The following MCC variants were observed in gnomAD, a reference collection of about 807,000 sequenced individuals.
The protein encoded by MCC is colorectal mutant cancer protein.
A neutral mutation model predicts 116.2 loss-of-function variants in MCC; 90 were observed. The ratio of observed to expected loss-of-function variants is 0.77; its 90% CI spans 0.65 to 0.92. The LOEUF is 0.92. Ranked by LOEUF, MCC falls within the 40% of genes least tolerant of loss-of-function variation. MCC has a pLI of 0.00. For synonymous variants in MCC, 578 were observed against 510.5 expected, an observed-to-expected ratio of 1.13 and a Z score of -1.78; for missense variants, 1,516 against 1,312.2, an observed-to-expected ratio of 1.16 and a Z score of -2.40.
chr5:113,033,865 C>T lies in MCC; in HGVS notation c.2757-4809G>A, dbSNP rs536211774. ...CTTCTTATTCCTGGTGATAAAAGGT[C>T]GTATGACTCTAACCGCAGAGCCAGG... is the stretch of plus-strand genomic sequence containing the variant. On this transcript the variant is annotated intron_variant, in intron 17 of 18. Coordinates refer to ENST00000408903, the MANE Select transcript of MCC (RefSeq NM_001085377.2). Among the ~76,000 whole-genome samples, 11 of 152,214 alleles carry T rather than the reference C, an allele frequency of 7.2e-5. No individual in the cohort carries two copies. In the South Asian group the frequency reaches 1.2e-3, roughly 17 times the overall value.
At chr5:113,229,807 G>C (rs1292894892) in intron 3 of MCC, among the ~76,000 whole-genome samples, 2 of 152,194 alleles carry the variant, frequency 1.3e-5, no homozygotes, top group African/African-American at 4.8e-5. Flanking sequence ...GTAACATGCT[G>C]TACAGGTCTG....
chr5:113,094,285 A>G (rs1225135318), intron 8 of MCC, among the ~76,000 whole-genome samples: 1 of 152,164 alleles, frequency 6.6e-6, no homozygotes, highest in Non-Finnish European at 1.5e-5. Flanking sequence ...TAGAAGGAGA[A>G]AACATCCAAC....
intron 3 of MCC, among the ~76,000 whole-genome samples, chr5:113,234,162 T>C (rs1181226650): frequency 6.6e-6 from 1 of 152,184 alleles, no homozygotes; most frequent in Non-Finnish European, 1.5e-5. Context: ...GAAAATGAAA[T>C]GGCCTAATCA....
At chr5:113,346,952 A>C (rs922473595) in intron 2 of MCC, among the ~76,000 whole-genome samples, 2 of 152,116 alleles carry the variant, frequency 1.3e-5, no homozygotes, top group Non-Finnish European at 2.9e-5. Flanking sequence ...AAAAAAAAAA[A>C]AAACCCTTTT....
intron 11 of MCC, among the ~76,000 whole-genome samples, chr5:113,081,992 C>G (rs1754889030): frequency 6.6e-6 from 1 of 152,174 alleles, no homozygotes; most frequent in Admixed American, 6.5e-5. Flanking sequence ...GTCAAGGCAG[C>G]CACACCACAC....
intron 1 of MCC, among the ~76,000 whole-genome samples, chr5:113,480,643 C>T (rs1772355480): frequency 6.6e-6 from 1 of 152,116 alleles, no homozygotes; most frequent in South Asian, 2.1e-4. Flanking sequence ...GTGTAGGCAT[C>T]TTAGAAGAAA....
intron 2 of MCC, among the ~76,000 whole-genome samples, chr5:113,354,945 T>C (rs1411159950): frequency 1.3e-5 from 2 of 152,048 alleles, no homozygotes; most frequent in African/African-American, 2.4e-5. Context: ...AATATTCTTA[T>C]TGAGAAATCT....
chr5:113,414,582 T>A (rs1345254650), intron 1 of MCC, among the ~76,000 whole-genome samples: 1 of 152,202 alleles, frequency 6.6e-6, no homozygotes, highest in African/African-American at 2.4e-5. Flanking sequence ...AGACTAGAAT[T>A]GCAACCCCTG....
intron 1 of MCC, among the ~76,000 whole-genome samples, chr5:113,420,104 TAAAA>T (rs896540533): frequency 2.7e-4 from 35 of 127,502 alleles, no homozygotes; most frequent in Non-Finnish European, 4.9e-4. Flanking sequence ...TCAATTGAAA[TAAAA>T]AAAGAATTCA....
intron 1 of MCC, among the ~76,000 whole-genome samples, chr5:113,387,980 T>G (rs998617385): frequency 9.2e-5 from 14 of 152,306 alleles, no homozygotes; most frequent in African/African-American, 3.4e-4. Context: ...CACTAAGTGG[T>G]ACAATCTGTC....
chr5:113,267,461 TG>T (rs1765464062), intron 3 of MCC, among the ~76,000 whole-genome samples: 2 of 152,192 alleles, frequency 1.3e-5, no homozygotes, highest in African/African-American at 2.4e-5. Context: ...ACGGTAACTC[TG>T]GGAAGTAAAG....
At chr5:113,351,156 A>G (rs536588112) in intron 2 of MCC, among the ~76,000 whole-genome samples, 1 of 152,236 alleles carries the variant, frequency 6.6e-6, no homozygotes, top group East Asian at 1.9e-4. Flanking sequence ...AAATAGAACA[A>G]TCATAGGATC....
At chr5:113,039,737 T>C in intron 17 of MCC, among the ~76,000 whole-genome samples, 1 of 110,028 alleles carries the variant, frequency 9.1e-6, no homozygotes, top group Non-Finnish European at 1.7e-5. Flanking sequence ...CACCCCAGGA[T>C]CACATGGAGA....
chr5:113,090,565 G>A (rs1035986144), intron 8 of MCC, among the ~76,000 whole-genome samples: 4 of 152,138 alleles, frequency 2.6e-5, no homozygotes, highest in Non-Finnish European at 4.4e-5. Context: ...GTTCCTCAAC[G>A]GCCAAGTGAA....
chr5:113,399,061 C>A (rs180731055), intron 1 of MCC, among the ~76,000 whole-genome samples: 1 of 152,284 alleles, frequency 6.6e-6, no homozygotes, highest in East Asian at 1.9e-4. Context: ...AGGAGCCACA[C>A]TGGACAGCAC....
intron 1 of MCC, among the ~76,000 whole-genome samples, chr5:113,439,909 C>T (rs1419767373): frequency 1.3e-5 from 2 of 152,128 alleles, no homozygotes; most frequent in Non-Finnish European, 1.5e-5. Context: ...CTGTTGCCCA[C>T]ACTGGAGTGC....
rs965095469 is a variant in MCC at position 113,026,448 on chromosome 5, T to A, written c.*854A>T. On this transcript the variant is annotated 3_prime_UTR_variant, in exon 19 of 19. Coordinates refer to ENST00000408903, the MANE Select transcript of MCC (RefSeq NM_001085377.2). ...TGGGGCGGGAAGTGCTAATAATGTT[T>A]CTCAGCTCTTGAAGAAACCCCTGAC... The A allele has an allele frequency of 3.3e-5, 5 of 152,248 alleles. No individual in the cohort carries two copies. Among genetic ancestry groups the A allele is most frequent in the Non-Finnish European group, 7.3e-5 (5 of 68,062 alleles). The allele number at this position is 152,248 out of a possible 1,614,324, so 9.4% of individuals were successfully genotyped here.
intron 4 of MCC, among the ~76,000 whole-genome samples, chr5:113,148,136 A>C (rs1759636297): frequency 6.6e-6 from 1 of 152,218 alleles, no homozygotes; most frequent in African/African-American, 2.4e-5. Context: ...TCAAATCAGG[A>C]CTATATCTGA....
intron 2 of MCC, among the ~76,000 whole-genome samples, chr5:113,369,783 T>G (rs1381308639): frequency 1.3e-5 from 2 of 152,192 alleles, no homozygotes; most frequent in Non-Finnish European, 2.9e-5. Context: ...TAGACAAAAG[T>G]GAAACAGACA....
Sources: gnomAD v4.1 joint callset for allele counts (sites outside exome capture counted in the v4.1 genomes callset) on GRCh38, gnomAD v4.1.1 for gene constraint, MANE v1.5 for transcripts, NCBI Gene and HGNC (gene_info 2026-07-23, HGNC 2026-07-21) for gene names.